The following RRP7A variants were observed in gnomAD, a reference collection of about 807,000 sequenced individuals.
The protein encoded by RRP7A is ribosomal RNA-processing protein 7 homolog A.
Under a neutral mutation model 38.4 loss-of-function variants are expected in RRP7A, and 27 were observed. The ratio of observed to expected loss-of-function variants is 0.70; its 90% CI spans 0.52 to 0.97. The LOEUF (loss-of-function observed/expected upper bound fraction) is 0.97. Among genes scored for constraint, RRP7A ranks in the 50% least tolerant of loss-of-function variants. The pLI, the probability that RRP7A is intolerant of heterozygous loss-of-function variation, is 0.00. For missense variants in RRP7A, 327 were observed against 375.4 expected, an observed-to-expected ratio of 0.87 and a Z score of 1.07; for synonymous variants, 124 against 150.3, an observed-to-expected ratio of 0.83 and a Z score of 1.28.
chr22:42,512,042 G>A lies in RRP7A; in HGVS notation c.*868C>T, dbSNP rs1338611544. The A allele has an allele frequency of 3.8e-6, 4 of 1,061,044 alleles. No individual in the cohort carries two copies. Among genetic ancestry groups the A allele is most frequent in the Non-Finnish European group, 5.8e-6 (4 of 684,848 alleles). 65.7% of individuals were successfully genotyped at this position (1,061,044 alleles called of 1,614,324 possible). The stretch of plus-strand genomic sequence containing the variant: ...CAGGGAGCTGGAATGCTGTGGGAGG[G>A]CCCTGACCCCGGGGCCCATGGAGCT... On this transcript the variant is annotated 3_prime_UTR_variant, in exon 7 of 7. Coordinates refer to ENST00000323013, the MANE Select transcript of RRP7A (RefSeq NM_015703.5).
chr22:42,514,125 A>G lies in RRP7A; in HGVS notation c.738T>C (p.His246=), dbSNP rs1211615138. Residue 246 remains histidine (H), a synonymous_variant, in exon 6 of 7, where the codon CAT becomes CAC. Transcript: ENST00000323013. ...GCTTACGCTCCATCTTGCTCTCTCG[A>G]TGCTGCCAGGCGTAGAAGTTGAGCA... ...KELLNFYAWQ[H]RESKMEHLAQ... is the part of the protein sequence containing the mutation. The G allele has an allele frequency of 1.9e-6, 3 of 1,613,122 alleles. No individual in the cohort carries two copies. Among genetic ancestry groups the G allele is most frequent in the Non-Finnish European group, 1.7e-6 (2 of 1,179,742 alleles).
Position 42,518,075 on chromosome 22 carries a change from T to G in RRP7A, c.146A>C (p.Gln49Pro). The G allele has an allele frequency of 1.9e-6, 3 of 1,614,116 alleles. No individual in the cohort carries two copies. Among genetic ancestry groups the G allele is most frequent in the Non-Finnish European group, 2.5e-6 (3 of 1,179,978 alleles). The change falls in exon 2 of 7, where the codon CAA (glutamine) becomes CCA (proline). Residue 49 changes from glutamine to proline, a missense_variant. Gln to Pro is a moderately conservative substitution (Grantham distance 76). Around this residue, in one of 5 missense-constraint regions of RRP7A, gnomAD observed 183 missense variants for 141.8 expected, o/e 1.29. Coordinates refer to ENST00000323013, the MANE Select transcript of RRP7A (RefSeq NM_015703.5). The stretch of plus-strand genomic sequence containing the variant: ...CTGAGGCCAGGTGGACTTGGTGCCT[T>G]GTCGAACGCCGTGTGCTCTCACATA... ...YLYVRAHGVR[Q>P]GTKSTWPQKR...
intron 5 of RRP7A, 28 bp downstream of exon 5, chr22:42,514,654 G>A (rs774081827): frequency 6.3e-7 from 1 of 1,582,260 alleles, no homozygotes; most frequent in South Asian, 1.1e-5. Flanking sequence ...GGCGATGCGG[G>A]GCTCGGCCGA....
intron 1 of RRP7A, among the ~76,000 whole-genome samples, 162 bp downstream of exon 1, chr22:42,519,552 G>C: frequency 6.6e-6 from 1 of 152,104 alleles, no homozygotes; most frequent in African/African-American, 2.4e-5. Context: ...CTGGGTCCTC[G>C]GGACCCCGGA....
Position 42,508,656 on chromosome 22 carries a change from T to C in RRP7A, c.*4254A>G, listed in dbSNP as rs1378756185. Among the ~76,000 whole-genome samples the C allele has an allele frequency of 6.6e-6, 1 of 152,178 alleles. No homozygotes were observed. Among genetic ancestry groups the C allele is most frequent in the Non-Finnish European group, 1.5e-5 (1 of 68,022 alleles). On this transcript the variant is annotated 3_prime_UTR_variant, in exon 7 of 7. Transcript: ENST00000323013. Reference sequence around the variant, plus strand: ...AGGGGACAGCGTGAGGTGCAGCCTATGGACTGGGAAAGGGGTGTGGAAGGG... The same window carrying C: ...AGGGGACAGCGTGAGGTGCAGCCTACGGACTGGGAAAGGGGTGTGGAAGGG...
chr22:42,516,351 G>C lies in RRP7A; in HGVS notation c.217-215C>G, dbSNP rs1003646459. The C allele has an allele frequency of 6.2e-5, 39 of 624,662 alleles. No homozygotes were observed. In the Admixed American group the frequency reaches 8.6e-4, roughly 14 times the overall value. The allele number at this position is 624,662 out of a possible 1,614,324, so 38.7% of individuals were successfully genotyped here. A position where few individuals can be genotyped will look rare whatever the true frequency, so the allele number is the denominator to read the frequency against. On this transcript the variant is annotated intron_variant, in intron 2 of 6. Transcript: ENST00000323013. ...TATTCCTGCTCTTTTTTTTTTTTGA[G>C]TTGGAGTATTGCTCTGTAGCCCAGG...
In RRP7A at chr22:42,511,932, G is replaced by T. The variant is rs1046917028; in HGVS notation, c.*978C>A. 7.4e-6 allele frequency: 5 copies of T among 674,686 alleles called. No homozygotes were observed. The African/African-American group carries it at 9.0e-5, about 12-fold the overall frequency. 41.8% of individuals were successfully genotyped at this position (674,686 alleles called of 1,614,324 possible). A position where few individuals can be genotyped will look rare whatever the true frequency, so the allele number is the denominator to read the frequency against. ...GGAGGCCTCCAAGTCCCTAAGGTTAGACATCTCCTGGGGTGCTATGGACTG... is the reference window on the plus strand; with the variant it reads ...GGAGGCCTCCAAGTCCCTAAGGTTATACATCTCCTGGGGTGCTATGGACTG... On this transcript the variant is annotated 3_prime_UTR_variant, in exon 7 of 7. Transcript: ENST00000323013.
At chr22:42,515,727 G>T (rs1179994782) in intron 3 of RRP7A, among the ~76,000 whole-genome samples, 1 of 152,184 alleles carries the variant, frequency 6.6e-6, no homozygotes, top group East Asian at 1.9e-4. Flanking sequence ...CTCCCTCAGT[G>T]GGGAAGCAGG....
chr22:42,516,197 G>A (rs527885580), intron 2 of RRP7A, 61 bp from the exon 3 acceptor site: 1 of 1,599,582 alleles, frequency 6.3e-7, no homozygotes, highest in Non-Finnish European at 8.5e-7. Context: ...AAGCCTCCCT[G>A]CACCATGGGT....
chr22:42,513,361 TG>T (rs1920922752), intron 6 of RRP7A, among the ~76,000 whole-genome samples: 1 of 107,616 alleles, frequency 9.3e-6, no homozygotes, highest in African/African-American at 3.4e-5. Flanking sequence ...CCCCAGCCCT[TG>T]TGCTGGTGAA....
At chr22:42,519,548 C>G (rs1368618454) in intron 1 of RRP7A, among the ~76,000 whole-genome samples, 166 bp downstream of exon 1, 1 of 152,138 alleles carries the variant, frequency 6.6e-6, no homozygotes, top group Non-Finnish European at 1.5e-5. Flanking sequence ...CCGCCTGGGT[C>G]CTCGGGACCC....
At chr22:42,513,637 TGGGCCACAGGCGATCG>T (rs1461615531) in intron 6 of RRP7A, among the ~76,000 whole-genome samples, 1 of 121,516 alleles carries the variant, frequency 8.2e-6, no homozygotes, top group Non-Finnish European at 1.8e-5. Flanking sequence ...GCACCAGGAG[TGGGCCACAGGCGATCG>T]GGCCCACAGG....
chr22:42,516,018 G>C lies in RRP7A; in HGVS notation c.335C>G (p.Pro112Arg), dbSNP rs199748775. Residue 112 changes from proline (P) to arginine (R), a missense_variant, in exon 3 of 7, where the codon CCA (proline) becomes CGA (arginine). Transcript: ENST00000323013. ...CCGGGCTTGGCGGCTCACCGGAACT[G>C]GCTTGGGATGAAAAAACTTCGACCT... ...ESRSKFFHPK[P>R]VPGFQVAYVV... The C allele has an allele frequency of 6.2e-7, 1 of 1,601,216 alleles. No individual in the cohort carries two copies.
chr22:42,514,193 G>C lies in RRP7A; in HGVS notation c.670C>G (p.Arg224Gly). Residue 224 changes from arginine to glycine, a missense_variant, in exon 6 of 7, where the codon CGG (arginine) becomes GGG (glycine). This residue lies in a region of RRP7A where 84 missense variants were observed against 82.8 expected (regional missense o/e 1.01). Coordinates refer to ENST00000323013, the MANE Select transcript of RRP7A (RefSeq NM_015703.5). ...VLPRTEAASL[R>G]VLERERRKRS... is the part of the protein sequence containing the mutation. The stretch of plus-strand genomic sequence containing the variant: ...TTCCGTCTCTCCCTCTCCAGCACCC[G>C]CAAGCTGGCTGCCTCAGTCCGGGGG... 1.3e-6 allele frequency: 2 copies of C among 1,592,660 alleles called. No homozygotes were observed. The highest frequency in any genetic ancestry group is 8.6e-7 in the Non-Finnish European group (1 of 1,169,216).
chr22:42,512,213 A>C lies in RRP7A; in HGVS notation c.*697T>G, dbSNP rs1441783844. 1 of 1,613,132 alleles carries C rather than the reference A, an allele frequency of 6.2e-7. No individual in the cohort carries two copies. The highest frequency in any genetic ancestry group is 8.5e-7 in the Non-Finnish European group (1 of 1,179,248). On this transcript the variant is annotated 3_prime_UTR_variant, in exon 7 of 7. Coordinates refer to ENST00000323013, the MANE Select transcript of RRP7A (RefSeq NM_015703.5). ...TCATCAGCTCCTTCTTACAGTGCAC[A>C]CACACGCTCCCAGCCCAGCTGTAGC...
At chr22:42,515,603 C>T (rs1038943109) in intron 3 of RRP7A, among the ~76,000 whole-genome samples, 2 of 152,182 alleles carry the variant, frequency 1.3e-5, no homozygotes, top group African/African-American at 4.8e-5. Flanking sequence ...GGCCTGGGCG[C>T]ACACACCATG....
At chr22:42,516,419 C>A (rs1288812496) in intron 2 of RRP7A, 13 of 475,778 alleles carry the variant, frequency 2.7e-5, no homozygotes, top group South Asian at 2.0e-4. Flanking sequence ...AAGTGATTCT[C>A]ATGCCTCAGT....
chr22:42,510,836 A>G lies in RRP7A; in HGVS notation c.*2074T>C. Reference sequence around the variant, plus strand: ...GACCCCTGGTCTGCCCCCAGGCCCAACAAGTGACCACCAGGATCTATCAGG... The same window carrying G: ...GACCCCTGGTCTGCCCCCAGGCCCAGCAAGTGACCACCAGGATCTATCAGG... On this transcript the variant is annotated 3_prime_UTR_variant, in exon 7 of 7. Coordinates refer to ENST00000323013, the MANE Select transcript of RRP7A (RefSeq NM_015703.5). The G allele has an allele frequency of 8.4e-7, 1 of 1,195,088 alleles. No homozygotes were observed. Among genetic ancestry groups the G allele is most frequent in the Non-Finnish European group, 1.1e-6 (1 of 946,516 alleles). The allele number at this position is 1,195,088 out of a possible 1,614,324, so 74.0% of individuals were successfully genotyped here.
chr22:42,512,573 C>T lies in RRP7A; in HGVS notation c.*337G>A, dbSNP rs1249142970. The stretch of plus-strand genomic sequence containing the variant: ...TCTTGTATTCTCACTGCTTTTGAGG[C>T]TTTTTCGTTGCCAGCAAGGGCTTTT... On this transcript the variant is annotated 3_prime_UTR_variant, in exon 7 of 7. Transcript: ENST00000323013. The T allele has an allele frequency of 5.5e-6, 3 of 540,710 alleles. No individual in the cohort carries two copies. Among genetic ancestry groups the T allele is most frequent in the African/African-American group, 3.8e-5 (2 of 52,808 alleles). 33.5% of individuals were successfully genotyped at this position (540,710 alleles called of 1,614,324 possible).
Sources: gnomAD v4.1 joint callset for allele counts (sites outside exome capture counted in the v4.1 genomes callset) on GRCh38, gnomAD v4.1.1 for gene constraint, gnomAD v4.1.1 regional missense constraint, MANE v1.5 for transcripts, NCBI Gene and HGNC (gene_info 2026-07-23, HGNC 2026-07-21) for gene names.